ARL6IP6: variants seen among roughly 807,000 people sequenced by gnomAD.
ARL6IP6 encodes ARF like GTPase 6 interacting protein 6.
ARL6IP6 carries 22 observed loss-of-function variants against 21.5 expected under a neutral mutation model. That is an observed-to-expected ratio of 1.02 (90% CI 0.73 to 1.46). The LOEUF is 1.46. Ranked by LOEUF, ARL6IP6 falls within the 40% of genes most tolerant of loss-of-function variation. The probability of loss-of-function intolerance (pLI) is 0.00; values close to 1 mark genes in which losing one functional copy is unlikely to be tolerated. For synonymous variants in ARL6IP6, 164 were observed against 125.3 expected, an observed-to-expected ratio of 1.31 and a Z score of -2.06; for missense variants, 388 against 299.8, an observed-to-expected ratio of 1.29 and a Z score of -2.17.
rs909064347 is a variant in ARL6IP6, at chr2:152,760,013, ATGTC to A, written c.*176_*179del. ...AGACCTTTTAAAGCATTGTTTTAGA[ATGTC>A]TGAGTATTAAGATACAGATTAATTG... On this transcript the variant is annotated 3_prime_UTR_variant, in exon 4 of 4. Coordinates refer to ENST00000326446, the MANE Select transcript of ARL6IP6 (RefSeq NM_152522.7). 1 of 549,852 alleles carries A rather than the reference ATGTC, an allele frequency of 1.8e-6. No homozygotes were observed. The highest frequency in any genetic ancestry group is 1.9e-5 in the African/African-American group (1 of 52,858). The allele number at this position is 549,852 out of a possible 1,614,324, so 34.1% of individuals were successfully genotyped here. A position where few individuals can be genotyped will look rare whatever the true frequency, so the allele number is the denominator to read the frequency against.
At chr2:152,750,414 T>G (rs1428145200) in intron 3 of ARL6IP6, among the ~76,000 whole-genome samples, 8 of 148,078 alleles carry the variant, frequency 5.4e-5, no homozygotes, top group Non-Finnish European at 1.2e-4. Flanking sequence ...AGGCGGAGGT[T>G]GCAGTGAGCC....
intron 3 of ARL6IP6, among the ~76,000 whole-genome samples, chr2:152,748,004 CTAA>C (rs1216744794): frequency 6.6e-6 from 1 of 152,200 alleles, no homozygotes; most frequent in Non-Finnish European, 1.5e-5. Flanking sequence ...TCCAGCCCTA[CTAA>C]TTTCTCTATC....
At chr2:152,751,667 C>T (rs1011070262) in intron 3 of ARL6IP6, among the ~76,000 whole-genome samples, 10 of 152,124 alleles carry the variant, frequency 6.6e-5, no homozygotes, top group African/African-American at 2.4e-4. Context: ...CACTTAATGT[C>T]CCCCAGACTC....
At chr2:152,720,768 G>A (rs1471489808) in intron 2 of ARL6IP6, among the ~76,000 whole-genome samples, 182 bp downstream of exon 2, 1 of 152,202 alleles carries the variant, frequency 6.6e-6, no homozygotes, top group Non-Finnish European at 1.5e-5. Context: ...TGTGGAGTAT[G>A]TGTATGCATA....
chr2:152,739,879 G>T (rs13392524), intron 3 of ARL6IP6, among the ~76,000 whole-genome samples: 7,861 of 152,212 alleles, frequency 0.052, 690 homozygotes, highest in African/African-American at 0.18. Context: ...ATGGCAGCAG[G>T]CAAGAGAGCA....
chr2:152,742,570 T>TAA lies in ARL6IP6; in HGVS notation c.587+7466_587+7467dup, dbSNP rs71396304. ...CAGTGACAGAGCAAGATACGCTCTT[T>TAA]AAAAAAAAAAAAAAAAAAAAAAAGA... On this transcript the variant is annotated intron_variant, in intron 3 of 3. Coordinates refer to ENST00000326446, the MANE Select transcript of ARL6IP6 (RefSeq NM_152522.7). 8.9e-3 allele frequency among the ~76,000 whole-genome samples: 1,035 copies of TAA among 115,960 alleles called. 9 individuals are homozygous for TAA. The highest frequency in any genetic ancestry group is 0.018 in the African/African-American group (534 of 30,482). The allele number at this position is 115,960 out of a possible 152,430, so 76.1% of individuals were successfully genotyped here.
intron 3 of ARL6IP6, among the ~76,000 whole-genome samples, chr2:152,748,637 A>G (rs1701170995): frequency 6.6e-6 from 1 of 152,212 alleles, no homozygotes; most frequent in Admixed American, 6.5e-5. Context: ...GTTGGGTCTT[A>G]AGATGGGCCT....
chr2:152,739,992 C>T (rs1700734972), intron 3 of ARL6IP6, among the ~76,000 whole-genome samples: 1 of 152,154 alleles, frequency 6.6e-6, no homozygotes, highest in Non-Finnish European at 1.5e-5. Context: ...GATTCAATTA[C>T]CTCCCACCAG....
chr2:152,746,154 A>G (rs1420759889), intron 3 of ARL6IP6, among the ~76,000 whole-genome samples: 4 of 151,752 alleles, frequency 2.6e-5, no homozygotes, highest in Non-Finnish European at 4.4e-5. Flanking sequence ...AGTAGCTGGG[A>G]CCACAGACAT....
At chr2:152,727,876 T>TCAAA (rs60452632) in intron 2 of ARL6IP6, among the ~76,000 whole-genome samples, 8,132 of 152,224 alleles carry the variant, frequency 0.053, 532 homozygotes, top group African/African-American at 0.15. Context: ...ATCCCTGTCA[T>TCAAA]CAGTGTATGA....
intron 3 of ARL6IP6, among the ~76,000 whole-genome samples, chr2:152,740,720 C>T (rs2105146196): frequency 6.6e-6 from 1 of 151,102 alleles, no homozygotes; most frequent in East Asian, 1.9e-4. Context: ...ATTGCTTGAG[C>T]CCAGGAGTTT....
At chr2:152,725,478 AAAAAAAATGC>A (rs2105097665) in intron 2 of ARL6IP6, among the ~76,000 whole-genome samples, 1 of 152,124 alleles carries the variant, frequency 6.6e-6, no homozygotes, top group Non-Finnish European at 1.5e-5. Context: ...GTGATTTGGA[AAAAAAAATGC>A]AAAAAAGAAT....
At chr2:152,749,531 T>G (rs1701222613) in intron 3 of ARL6IP6, among the ~76,000 whole-genome samples, 1 of 152,224 alleles carries the variant, frequency 6.6e-6, no homozygotes, top group Non-Finnish European at 1.5e-5. Context: ...TACCTAAGTT[T>G]CTTTACTATA....
chr2:152,759,519 T>C (rs775812149), intron 3 of ARL6IP6, among the ~76,000 whole-genome samples: 1 of 152,180 alleles, frequency 6.6e-6, no homozygotes, highest in Non-Finnish European at 1.5e-5. Context: ...TCAGTAATGA[T>C]TTGAAACAAC....
At chr2:152,734,047 C>T (rs1027457577) in intron 2 of ARL6IP6, among the ~76,000 whole-genome samples, 2 of 152,156 alleles carry the variant, frequency 1.3e-5, no homozygotes, top group Non-Finnish European at 2.9e-5. Context: ...ATCAGTATTT[C>T]CTGTCTTCCT....
intron 1 of ARL6IP6, chr2:152,720,073 A>T: frequency 2.9e-6 from 1 of 344,780 alleles, no homozygotes; most frequent in Admixed American, 3.9e-5. Context: ...TTCATTTATC[A>T]TTCCCCTCCC....
chr2:152,719,324 A>G (rs1410934413), intron 1 of ARL6IP6, among the ~76,000 whole-genome samples: 3 of 152,198 alleles, frequency 2.0e-5, no homozygotes, highest in Non-Finnish European at 4.4e-5. Flanking sequence ...AGATTAAACA[A>G]AATGCGAAAC....
chr2:152,758,983 TAG>T (rs929259564), intron 3 of ARL6IP6, among the ~76,000 whole-genome samples: 2 of 152,228 alleles, frequency 1.3e-5, no homozygotes, highest in African/African-American at 4.8e-5. Flanking sequence ...TTCTGCCTTC[TAG>T]AGAGTCTCAG....
At chr2:152,720,696 A>C (rs1401823155) in intron 2 of ARL6IP6, 110 bp downstream of exon 2, 2 of 978,490 alleles carry the variant, frequency 2.0e-6, no homozygotes, top group African/African-American at 3.3e-5. Flanking sequence ...ATGTGCAGTC[A>C]TTCAGTCTTG....
Sources: gnomAD v4.1 joint callset for allele counts (sites outside exome capture counted in the v4.1 genomes callset) on GRCh38, gnomAD v4.1.1 for gene constraint, MANE v1.5 for transcripts, NCBI Gene and HGNC (gene_info 2026-07-23, HGNC 2026-07-21) for gene names.